UPP2: variants seen among roughly 807,000 people sequenced by gnomAD.
UPP2 encodes the protein UPase 2.
Under a neutral mutation model 26.7 loss-of-function variants are expected in UPP2, and 23 were observed. The ratio of observed to expected loss-of-function variants is 0.86; its 90% CI spans 0.62 to 1.22. UPP2 has a LOEUF of 1.22. Ranked by LOEUF, UPP2 falls within the 50% of genes most tolerant of loss-of-function variation. The pLI, the probability that UPP2 is intolerant of heterozygous loss-of-function variation, is 0.00. For synonymous variants in UPP2, 127 were observed against 141.3 expected, an observed-to-expected ratio of 0.90 and a Z score of 0.72; for missense variants, 387 against 396.7, an observed-to-expected ratio of 0.98 and a Z score of 0.21.
chr2:158,075,112 C>A (rs1384116225), intron 3 of UPP2, among the ~76,000 whole-genome samples: 1 of 151,766 alleles, frequency 6.6e-6, no homozygotes, highest in Non-Finnish European at 1.5e-5. Context: ...AATTGAAGTA[C>A]CCAGATATAA....
At chr2:158,057,509 CTT>C (rs1478250430) in intron 3 of UPP2, among the ~76,000 whole-genome samples, 1 of 152,186 alleles carries the variant, frequency 6.6e-6, no homozygotes, top group African/African-American at 2.4e-5. Context: ...AGTGAAAACT[CTT>C]TGAGTTGGCA....
chr2:158,088,294 A>G (rs1682849260), intron 3 of UPP2, among the ~76,000 whole-genome samples: 1 of 152,024 alleles, frequency 6.6e-6, no homozygotes, highest in African/African-American at 2.4e-5. Context: ...TTTCCAGTGT[A>G]TTTTGCATTT....
At chr2:158,107,690 G>C (rs1683224343) in intron 2 of UPP2, among the ~76,000 whole-genome samples, 1 of 152,036 alleles carries the variant, frequency 6.6e-6, no homozygotes, top group Admixed American at 6.6e-5. Context: ...AAAATGAGAA[G>C]AAATAGATCT....
At chr2:158,016,112 A>G (rs760489499) in intron 3 of UPP2, among the ~76,000 whole-genome samples, 1 of 150,022 alleles carries the variant, frequency 6.7e-6, no homozygotes, top group African/African-American at 2.5e-5. Context: ...CCACATCCTC[A>G]CTAACACTTG....
rs572672646 is a variant in UPP2, at chr2:158,112,725, G to T, written c.181-2376G>T. Among the ~76,000 whole-genome samples, 28 of 152,182 alleles carry T rather than the reference G, an allele frequency of 1.8e-4. 1 individual carries two copies. The South Asian group carries it at 2.9e-3, about 16-fold the overall frequency. On this transcript the variant is annotated intron_variant, in intron 2 of 6. Transcript: ENST00000005756. ...ATTTTAGTAATATGCAATGCATTTTGAATGTATTTATATTCCCTTGTTAAC... is the reference window on the plus strand; with the variant it reads ...ATTTTAGTAATATGCAATGCATTTTTAATGTATTTATATTCCCTTGTTAAC...
chr2:158,127,301 T>C (rs963088603), intron 6 of UPP2, among the ~76,000 whole-genome samples: 1 of 152,268 alleles, frequency 6.6e-6, no homozygotes, highest in African/African-American at 2.4e-5. Context: ...TGTTAACTTA[T>C]ATATTATTTC....
chr2:158,117,395 A>C (rs1381330754), intron 3 of UPP2, among the ~76,000 whole-genome samples: 1 of 152,044 alleles, frequency 6.6e-6, no homozygotes, highest in African/African-American at 2.4e-5. Flanking sequence ...TCACTATTTC[A>C]TTTAGTATGG....
chr2:158,004,550 G>T (rs1031159210), intron 2 of UPP2, among the ~76,000 whole-genome samples: 1 of 152,116 alleles, frequency 6.6e-6, no homozygotes. Context: ...GGTCTGCTGC[G>T]ACCAGTCACT....
At chr2:158,035,140 G>A (rs928241759) in intron 3 of UPP2, among the ~76,000 whole-genome samples, 1 of 151,552 alleles carries the variant, frequency 6.6e-6, no homozygotes, top group Non-Finnish European at 1.5e-5. Context: ...GGGTACCTCA[G>A]TTTAAGAGGA....
chr2:158,120,698 C>T (rs964560495), intron 4 of UPP2, among the ~76,000 whole-genome samples: 3 of 151,940 alleles, frequency 2.0e-5, no homozygotes, highest in Non-Finnish European at 4.4e-5. Context: ...TTTAGTGTAA[C>T]CTATCTGTGT....
chr2:158,114,391 G>A (rs1683380348), intron 2 of UPP2, among the ~76,000 whole-genome samples: 1 of 152,168 alleles, frequency 6.6e-6, no homozygotes, highest in Non-Finnish European at 1.5e-5. Flanking sequence ...ACTGTTGTAT[G>A]AGTAACTGCC....
Position 158,023,230 on chromosome 2 carries a change from T to TGGGGGG in UPP2, c.147+7348_147+7353dup, listed in dbSNP as rs143578289. ...ATGAGGTCATGGGGTTGCTGTCAGTTGGGGGGGGGCATTTGGAAGGCTTTC... is the reference window on the plus strand; with the variant it reads ...ATGAGGTCATGGGGTTGCTGTCAGTTGGGGGGGGGGGGGGGCATTTGGAAGGCTTTC... On this transcript the variant is annotated intron_variant, in intron 3 of 9. Transcript: ENST00000605860. 1.3e-4 allele frequency among the ~76,000 whole-genome samples: 11 copies of TGGGGGG among 83,816 alleles called. 1 individual carries two copies. The highest frequency in any genetic ancestry group is 1.9e-4 in the Non-Finnish European group (8 of 41,200). The allele number at this position is 83,816 out of a possible 152,430, so 55.0% of individuals were successfully genotyped here.
chr2:158,078,534 A>G (rs1433168748), intron 3 of UPP2, among the ~76,000 whole-genome samples: 8 of 152,196 alleles, frequency 5.3e-5, no homozygotes, highest in African/African-American at 1.9e-4. Context: ...CAGGCACAGA[A>G]AGACAAACAT....
intron 2 of UPP2, among the ~76,000 whole-genome samples, chr2:158,004,220 T>C (rs1683451908): frequency 6.6e-6 from 1 of 152,178 alleles, no homozygotes; most frequent in Non-Finnish European, 1.5e-5. Flanking sequence ...TGTTCTTTAC[T>C]ATATTACTTT....
intron 3 of UPP2, among the ~76,000 whole-genome samples, chr2:158,021,469 G>A (rs1558905941): frequency 6.6e-6 from 1 of 152,218 alleles, no homozygotes; most frequent in Non-Finnish European, 1.5e-5. Flanking sequence ...ACCAGGGAAA[G>A]CCTAACACAT....
chr2:157,996,182 T>C (rs773411795), intron 2 of UPP2, among the ~76,000 whole-genome samples: 4 of 152,216 alleles, frequency 2.6e-5, no homozygotes, highest in Non-Finnish European at 4.4e-5. Context: ...CACATGATTG[T>C]AGAGGCAACA....
rs181148106 is a variant in UPP2, at chr2:158,058,152, G to A, written c.147+42266G>A. Among the ~76,000 whole-genome samples, 9 of 152,090 alleles carry A rather than the reference G, an allele frequency of 5.9e-5. No individual in the cohort carries two copies. In the East Asian group the frequency reaches 1.7e-3, roughly 30 times the overall value. ...ACTAAAAATACAAAAAATTAGCTGG[G>A]TATTGTGGCGTGCGCCTGTAGTCCC... is the stretch of plus-strand genomic sequence containing the variant. On this transcript the variant is annotated intron_variant, in intron 3 of 9. Coordinates refer to the UPP2 transcript ENST00000605860.
chr2:158,042,798 C>T (rs1028213144), intron 3 of UPP2, among the ~76,000 whole-genome samples: 5 of 151,980 alleles, frequency 3.3e-5, no homozygotes, highest in South Asian at 2.1e-4. Flanking sequence ...CTGGAGAGGC[C>T]GGCGAGGATG....
chr2:158,060,230 T>A (rs1490855558), intron 3 of UPP2, among the ~76,000 whole-genome samples: 2 of 152,150 alleles, frequency 1.3e-5, no homozygotes, highest in Non-Finnish European at 2.9e-5. Flanking sequence ...AGTCTCATAT[T>A]ACTTGTGACA....
Sources: gnomAD v4.1 joint callset for allele counts (sites outside exome capture counted in the v4.1 genomes callset) on GRCh38, gnomAD v4.1.1 for gene constraint, MANE v1.5 for transcripts, NCBI Gene and HGNC (gene_info 2026-07-23, HGNC 2026-07-21) for gene names.